Variants in PARD3 observed in about 807,000 individuals in gnomAD.
PARD3 encodes the protein par-3 family cell polarity regulator.
In PARD3, 75 loss-of-function variants were observed where a neutral mutation model predicts 155.4. The ratio of observed to expected loss-of-function variants is 0.48; its 90% confidence interval spans 0.40 to 0.58. The LOEUF (loss-of-function observed/expected upper bound fraction) is 0.58, where lower values mean the gene tolerates loss of function less well. PARD3 is among the 20% of genes least tolerant of loss of function. The pLI, the probability that PARD3 is intolerant of heterozygous loss-of-function variation, is 0.00. For missense variants in PARD3, 1,642 were observed against 1,721.7 expected (o/e 0.95, Z 0.82); for synonymous variants, 576 against 610.5 (o/e 0.94, Z 0.83).
chr10:34,168,967 CAAAT>C (rs1032078893), intron 22 of PARD3, among the ~76,000 whole-genome samples: 3 of 152,196 alleles, frequency 2.0e-5, no homozygotes, highest in Admixed American at 1.3e-4. Flanking sequence ...GCCTTGTTGA[CAAAT>C]AAAGAGCTCT....
chr10:34,573,630 C>T (rs946538857), intron 2 of PARD3, among the ~76,000 whole-genome samples: 1 of 152,056 alleles, frequency 6.6e-6, no homozygotes, highest in African/African-American at 2.4e-5. Flanking sequence ...TTGCTTGAAC[C>T]TGGGAGGCAG....
At chr10:34,723,258 C>T (rs11599761) in intron 1 of PARD3, among the ~76,000 whole-genome samples, 1 of 152,058 alleles carries the variant, frequency 6.6e-6, no homozygotes, top group African/African-American at 2.4e-5. Flanking sequence ...GCAGGAGAAC[C>T]TAGGAGGCCT....
intron 3 of PARD3, among the ~76,000 whole-genome samples, chr10:34,513,072 A>G (rs115840082): frequency 0.014 from 2,122 of 152,224 alleles, 57 homozygotes; most frequent in African/African-American, 0.048. Flanking sequence ...GATATTTCAT[A>G]CTCATTTTTT....
At chr10:34,685,730 A>G (rs139525352) in intron 2 of PARD3, among the ~76,000 whole-genome samples, 94 of 152,040 alleles carry the variant, frequency 6.2e-4, no homozygotes, top group African/African-American at 2.3e-3. Context: ...AGTAACTGGG[A>G]CGACAGGCGC....
At chr10:34,568,129 CT>C (rs1364304066) in intron 2 of PARD3, among the ~76,000 whole-genome samples, 1 of 152,144 alleles carries the variant, frequency 6.6e-6, no homozygotes, top group Non-Finnish European at 1.5e-5. Flanking sequence ...ACATTTGAGT[CT>C]GTTATCCACA....
At chr10:34,724,174 A>G (rs1046979076) in intron 1 of PARD3, among the ~76,000 whole-genome samples, 3 of 152,242 alleles carry the variant, frequency 2.0e-5, no homozygotes, top group Non-Finnish European at 4.4e-5. Context: ...GTAATCCTGA[A>G]GATTCTATGA....
At chr10:34,321,333 A>C (rs1958362139) in intron 19 of PARD3, among the ~76,000 whole-genome samples, 1 of 152,204 alleles carries the variant, frequency 6.6e-6, no homozygotes, top group African/African-American at 2.4e-5. Context: ...AGAACTAATC[A>C]TAAATTTACA....
chr10:34,396,536 T>C (rs993660236), intron 7 of PARD3, among the ~76,000 whole-genome samples: 2 of 152,202 alleles, frequency 1.3e-5, no homozygotes, highest in Admixed American at 1.3e-4. Context: ...AATATACAAT[T>C]GGTATTCTGC....
intron 4 of PARD3, among the ~76,000 whole-genome samples, chr10:34,452,669 T>C (rs909146340): frequency 1.3e-5 from 2 of 152,058 alleles, no homozygotes; most frequent in Admixed American, 1.3e-4. Flanking sequence ...GATTATTATC[T>C]CTCTGGACAA....
chr10:34,268,304 A>G (rs1032464452), intron 22 of PARD3, among the ~76,000 whole-genome samples: 4 of 151,978 alleles, frequency 2.6e-5, no homozygotes, highest in African/African-American at 9.7e-5. Context: ...GATGTGGAGA[A>G]ATAGGAACAC....
At chr10:34,619,191 C>T (rs914332765) in intron 2 of PARD3, among the ~76,000 whole-genome samples, 3 of 152,000 alleles carry the variant, frequency 2.0e-5, no homozygotes, top group African/African-American at 4.8e-5. Context: ...GCTGAAATTA[C>T]AGGCATGCAC....
intron 3 of PARD3, among the ~76,000 whole-genome samples, chr10:34,515,168 G>A (rs772319236): frequency 1.1e-4 from 16 of 151,996 alleles, no homozygotes; most frequent in Admixed American, 3.3e-4. Flanking sequence ...AATCAACCAG[G>A]GTAACTAGTG....
intron 2 of PARD3, among the ~76,000 whole-genome samples, chr10:34,541,215 C>G (rs1272911623): frequency 2.0e-5 from 3 of 152,098 alleles, no homozygotes; most frequent in Non-Finnish European, 2.9e-5. Context: ...TCATCCTGTA[C>G]ATAAATGCAG....
intron 2 of PARD3, among the ~76,000 whole-genome samples, chr10:34,518,436 G>A (rs544244202): frequency 2.6e-5 from 4 of 152,238 alleles, no homozygotes; most frequent in East Asian, 3.9e-4. Flanking sequence ...GGAAACACAT[G>A]GTAAGCCTGG....
chr10:34,573,746 C>A (rs955462788), intron 2 of PARD3, among the ~76,000 whole-genome samples: 10 of 105,530 alleles, frequency 9.5e-5, no homozygotes, highest in African/African-American at 3.6e-4. Context: ...AACACACACA[C>A]ACACACACAC....
At chr10:34,529,101 T>C (rs1263327148) in intron 2 of PARD3, among the ~76,000 whole-genome samples, 1 of 152,192 alleles carries the variant, frequency 6.6e-6, no homozygotes, top group African/African-American at 2.4e-5. Context: ...TCTCAGCCAG[T>C]TCCTGGGACA....
At chr10:34,203,468 C>T (rs1588741966) in intron 22 of PARD3, among the ~76,000 whole-genome samples, 1 of 152,138 alleles carries the variant, frequency 6.6e-6, no homozygotes, top group African/African-American at 2.4e-5. Flanking sequence ...CTTGTGGATA[C>T]CAAAATCCAC....
chr10:34,139,096 C>A (rs915286643), intron 22 of PARD3, among the ~76,000 whole-genome samples: 1 of 152,132 alleles, frequency 6.6e-6, no homozygotes, highest in Non-Finnish European at 1.5e-5. Context: ...TTAAGAAAAT[C>A]TTTTCTCTTT....
intron 4 of PARD3, among the ~76,000 whole-genome samples, chr10:34,468,341 C>T (rs546211252): frequency 5.9e-5 from 9 of 152,298 alleles, no homozygotes; most frequent in African/African-American, 1.2e-4. Context: ...GCAACTGAAA[C>T]GGACTCACAC....
Sources: gnomAD v4.1 joint callset for allele counts (sites outside exome capture counted in the v4.1 genomes callset) on GRCh38, gnomAD v4.1.1 for gene constraint, MANE v1.5 for transcripts, NCBI Gene and HGNC (gene_info 2026-07-23, HGNC 2026-07-21) for gene names.